DYM: variants seen among roughly 807,000 people sequenced by gnomAD.
The protein encoded by DYM is dymeclin.
Under a neutral mutation model 93.1 loss-of-function variants are expected in DYM, and 78 were observed. That is an observed-to-expected ratio of 0.84 (90% CI 0.70 to 1.01). The LOEUF is 1.01. DYM is among the 50% of genes least tolerant of loss of function. DYM has a pLI of 0.00. For synonymous variants in DYM, 321 were observed against 319.7 expected (o/e 1.00, Z -0.04); for missense variants, 789 against 845.0 (o/e 0.93, Z 0.82).
rs750026350 is a variant in DYM, at chr18:49,286,556, T to C, written c.824A>G (p.Glu275Gly). The C allele has an allele frequency of 1.2e-6, 2 of 1,614,104 alleles. No individual in the cohort carries two copies. The highest frequency in any genetic ancestry group is 1.7e-6 in the Non-Finnish European group (2 of 1,179,994). ...GVGSKAAASP[E>G]LSSPLANQSL... ...CTGGTTGGCCAGAGGGGAAGAAAGC[T>C]CTGGAGAGGCAGCCGCTTTGCTGCC... is the stretch of plus-strand genomic sequence containing the variant. Residue 275 changes from glutamate to glycine, a missense_variant, in exon 9 of 18, where the codon GAG becomes GGG. By Grantham distance (98) the Glu-to-Gly change is moderately conservative. Transcript: ENST00000675505.
intron 1 of DYM, among the ~76,000 whole-genome samples, chr18:49,445,864 G>A (rs2148655475): frequency 6.6e-6 from 1 of 152,096 alleles, no homozygotes; most frequent in East Asian, 1.9e-4. Flanking sequence ...CTAGGGGGAG[G>A]GAAGGGGAAA....
chr18:49,141,559 CT>C (rs1054120685), intron 15 of DYM, among the ~76,000 whole-genome samples: 3 of 152,302 alleles, frequency 2.0e-5, no homozygotes, highest in African/African-American at 7.2e-5. Flanking sequence ...TTCACACATG[CT>C]GTTAAAAACA....
At chr18:49,403,300 A>C (rs1430389176) in intron 2 of DYM, among the ~76,000 whole-genome samples, 4 of 152,224 alleles carry the variant, frequency 2.6e-5, no homozygotes, top group Non-Finnish European at 5.9e-5. Flanking sequence ...CTTTGATTTT[A>C]TTTACATTAA....
chr18:49,286,701 A>T, intron 8 of DYM, 85 bp from the exon 9 acceptor site: 1 of 1,314,754 alleles, frequency 7.6e-7, no homozygotes, highest in Admixed American at 2.0e-5. Context: ...AATATAATAC[A>T]ATATGGTAAT....
At chr18:49,386,093 T>A (rs2068589317) in intron 3 of DYM, among the ~76,000 whole-genome samples, 1 of 152,018 alleles carries the variant, frequency 6.6e-6, no homozygotes, top group Non-Finnish European at 1.5e-5. Context: ...ATTACAGGTG[T>A]GAGTCACCAT....
chr18:49,215,867 T>G (rs1241863375), intron 13 of DYM, among the ~76,000 whole-genome samples: 1 of 152,142 alleles, frequency 6.6e-6, no homozygotes, highest in East Asian at 1.9e-4. Flanking sequence ...AGGTACTGGG[T>G]TCATCTCACT....
At chr18:49,075,305 G>T (rs1036031380) in intron 17 of DYM, among the ~76,000 whole-genome samples, 1 of 152,144 alleles carries the variant, frequency 6.6e-6, no homozygotes, top group African/African-American at 2.4e-5. Context: ...CAGCCCCTGA[G>T]GAGGAGGTTG....
intron 1 of DYM, among the ~76,000 whole-genome samples, chr18:49,445,958 C>A (rs970299143): frequency 1.3e-5 from 2 of 152,044 alleles, no homozygotes; most frequent in African/African-American, 4.8e-5. Context: ...ACCAAGAATT[C>A]TTATATACCT....
In DYM at chr18:49,415,321, CA is replaced by C. The variant is rs71165393; in HGVS notation, c.140+14933del. ...GGAGACAGAGTGAGACTGGGTCTCTCAAAAAAAAAAAAAAAAAAAAATTAAA... is the reference window on the plus strand; with the variant it reads ...GGAGACAGAGTGAGACTGGGTCTCTCAAAAAAAAAAAAAAAAAAAATTAAA... On this transcript the variant is annotated intron_variant, in intron 2 of 17. Coordinates refer to ENST00000675505, the MANE Select transcript of DYM (RefSeq NM_001353214.3). Among the ~76,000 whole-genome samples, 470 of 87,052 alleles carry C rather than the reference CA, an allele frequency of 5.4e-3. 3 individuals carry two copies. The highest frequency in any genetic ancestry group is 0.022 in the South Asian group (54 of 2,496). The allele number at this position is 87,052 out of a possible 152,430, so 57.1% of individuals were successfully genotyped here.
intron 5 of DYM, among the ~76,000 whole-genome samples, chr18:49,366,054 C>G (rs1436976513): frequency 2.0e-5 from 3 of 151,958 alleles, no homozygotes; most frequent in Non-Finnish European, 4.4e-5. Flanking sequence ...CAATTTCCAG[C>G]TGAAATATCT....
intron 15 of DYM, among the ~76,000 whole-genome samples, chr18:49,149,256 C>T (rs1231515779): frequency 2.0e-5 from 3 of 152,188 alleles, no homozygotes; most frequent in East Asian, 1.9e-4. Flanking sequence ...TGCTCACTTG[C>T]CCGCCGCTCA....
intron 1 of DYM, among the ~76,000 whole-genome samples, chr18:49,451,440 C>A (rs1195749730): frequency 2.6e-5 from 4 of 152,210 alleles, no homozygotes; most frequent in Non-Finnish European, 5.9e-5. Context: ...TCTACACAGT[C>A]CCCGCACAGG....
chr18:49,418,375 T>A (rs1489980898), intron 2 of DYM, among the ~76,000 whole-genome samples: 1 of 152,210 alleles, frequency 6.6e-6, no homozygotes, highest in African/African-American at 2.4e-5. Flanking sequence ...AAACAGTGTA[T>A]ATTATTAACC....
chr18:49,386,236 G>T (rs1403187881), intron 3 of DYM, among the ~76,000 whole-genome samples: 1 of 152,068 alleles, frequency 6.6e-6, no homozygotes, highest in Non-Finnish European at 1.5e-5. Flanking sequence ...AGACCAGAAG[G>T]CAGTAGAATA....
At chr18:49,318,406 T>C (rs955630661) in intron 8 of DYM, among the ~76,000 whole-genome samples, 3 of 151,788 alleles carry the variant, frequency 2.0e-5, no homozygotes, top group African/African-American at 7.3e-5. Flanking sequence ...GCTCGAGAGG[T>C]CAGGAGATCA....
intron 1 of DYM, among the ~76,000 whole-genome samples, chr18:49,445,024 ACATT>A (rs2081981014): frequency 2.0e-5 from 3 of 152,332 alleles, no homozygotes; most frequent in African/African-American, 7.2e-5. Flanking sequence ...CTCCAAAAAA[ACATT>A]CATTCTTCTC....
chr18:49,390,184 G>T (rs145584016), intron 3 of DYM, among the ~76,000 whole-genome samples: 1 of 152,182 alleles, frequency 6.6e-6, no homozygotes, highest in African/African-American at 2.4e-5. Flanking sequence ...ACACTTTGGG[G>T]GTCCAAGGTA....
chr18:49,174,556 C>T (rs553777692), intron 14 of DYM, among the ~76,000 whole-genome samples: 2 of 152,150 alleles, frequency 1.3e-5, no homozygotes, highest in African/African-American at 4.8e-5. Context: ...ACTCTCACCC[C>T]CTACTTTCAG....
At chr18:49,219,793 C>T (rs1468336228) in intron 13 of DYM, among the ~76,000 whole-genome samples, 3 of 151,732 alleles carry the variant, frequency 2.0e-5, no homozygotes, top group African/African-American at 7.3e-5. Flanking sequence ...AACCCACAGC[C>T]AATATCATAC....
Sources: gnomAD v4.1 joint callset for allele counts (sites outside exome capture counted in the v4.1 genomes callset) on GRCh38, gnomAD v4.1.1 for gene constraint, MANE v1.5 for transcripts, NCBI Gene and HGNC (gene_info 2026-07-23, HGNC 2026-07-21) for gene names.